The following CNIH3 variants were observed in gnomAD, a reference collection of about 807,000 sequenced individuals.
CNIH3 encodes cornichon family AMPA receptor auxiliary protein 3, also known as protein cornichon homolog 3.
A neutral mutation model predicts 24.1 loss-of-function variants in CNIH3; 14 were observed. The observed-to-expected ratio is 0.58, with a 90% confidence interval of 0.38 to 0.91. The LOEUF is 0.91. Among genes scored for constraint, CNIH3 ranks in the 40% least tolerant of loss-of-function variants. The pLI, the probability that CNIH3 is intolerant of heterozygous loss-of-function variation, is 0.00. For missense variants in CNIH3, 178 were observed against 196.8 expected (o/e 0.90, Z 0.57); for synonymous variants, 68 against 73.8 (o/e 0.92, Z 0.40).
At chr1:224,540,541 A>C (rs1259287932), downstream of CNIH3, among the ~76,000 whole-genome samples, 2 of 152,212 alleles carry the variant, frequency 1.3e-5, no homozygotes, top group Admixed American at 1.3e-4. Flanking sequence ...TCGTGGTTCT[A>C]AACCAAGTGA....
chr1:224,699,150 T>C (rs941589382), intron 3 of CNIH3, among the ~76,000 whole-genome samples: 5 of 152,204 alleles, frequency 3.3e-5, no homozygotes, highest in African/African-American at 1.2e-4. Context: ...TCCCTGGACA[T>C]TCCCGGGCAT....
intron 5 of CNIH3, among the ~76,000 whole-genome samples, chr1:224,587,876 G>A (rs1681577291): frequency 6.6e-6 from 1 of 151,970 alleles, no homozygotes; most frequent in African/African-American, 2.4e-5. Context: ...AGGAGGTCAA[G>A]GCCTTAGTGA....
intron 4 of CNIH3, 147 bp from the exon 5 acceptor site, chr1:224,734,416 C>T: frequency 1.4e-6 from 1 of 716,092 alleles, no homozygotes; most frequent in Admixed American, 2.4e-5. Context: ...AGCCACTCTT[C>T]AGCGGTGCTT....
chr1:224,486,544 T>C (rs1677038272), intron 1 of CNIH3, among the ~76,000 whole-genome samples: 1 of 152,218 alleles, frequency 6.6e-6, no homozygotes, highest in East Asian at 1.9e-4. Context: ...TTTTCCTGTA[T>C]ACACACATAC....
chr1:224,556,271 A>G (rs527886559), intron 3 of CNIH3, among the ~76,000 whole-genome samples: 23 of 152,088 alleles, frequency 1.5e-4, no homozygotes, highest in South Asian at 8.3e-4. Flanking sequence ...AGCATAGTTA[A>G]GAATCAGCTT....
At chr1:224,667,889 C>T (rs1424329604) in intron 1 of CNIH3, among the ~76,000 whole-genome samples, 1 of 152,162 alleles carries the variant, frequency 6.6e-6, no homozygotes, top group East Asian at 1.9e-4. Context: ...GTCTGTGTCT[C>T]TCACTGGTAG....
In CNIH3 at chr1:224,719,996, G is replaced by A. The variant is rs146001017; in HGVS notation, c.199-10466G>A. On this transcript the variant is annotated intron_variant, in intron 3 of 5. Transcript: ENST00000272133. ...GCCTGGGCCACAGGGAGGGAGGGCT[G>A]TGTCCATTCGTCTTGTTCTTGCAGT... 2.0e-4 allele frequency among the ~76,000 whole-genome samples: 31 copies of A among 152,328 alleles called. No homozygotes were observed. In the East Asian group the frequency reaches 5.2e-3, roughly 26 times the overall value.
chr1:224,480,009 CA>C (rs1676744166), intron 1 of CNIH3, among the ~76,000 whole-genome samples: 2 of 152,200 alleles, frequency 1.3e-5, no homozygotes. Context: ...ACTGCCCTAA[CA>C]GTGGTTCTCT....
intron 3 of CNIH3, among the ~76,000 whole-genome samples, chr1:224,556,212 G>A (rs954321275): frequency 4.0e-5 from 6 of 150,428 alleles, no homozygotes; most frequent in African/African-American, 7.4e-5. Flanking sequence ...TTCTTGCTTG[G>A]TGATGGTGTC....
intron 5 of CNIH3, among the ~76,000 whole-genome samples, chr1:224,737,003 C>A (rs1689624995): frequency 6.6e-6 from 1 of 152,204 alleles, no homozygotes; most frequent in Non-Finnish European, 1.5e-5. Context: ...TCCCCAGAGA[C>A]AGCACTGTCT....
At position 224,734,673 on chromosome 1, in the gene CNIH3, T is replaced by C; in HGVS notation, c.422T>C (p.Phe141Ser). Residue 141 changes from phenylalanine (F) to serine (S), a missense_variant, in exon 5 of 6, where the codon TTC becomes TCC. By Grantham distance (155) the Phe-to-Ser change is radical. Coordinates refer to ENST00000272133, the MANE Select transcript of CNIH3 (RefSeq NM_152495.2). Reference protein sequence around the residue: ...CQKEAWCKLAFYLLSFFYYLY... With the variant: ...CQKEAWCKLASYLLSFFYYLY... ...AAGGAGGCCTGGTGTAAGCTGGCCT[T>C]CTATCTCCTCTCCTTCTTCTACTAC... The C allele has an allele frequency of 6.2e-7, 1 of 1,614,140 alleles. No homozygotes were observed. The highest frequency in any genetic ancestry group is 1.6e-4 in the Middle Eastern group (1 of 6,062).
intron 1 of CNIH3, among the ~76,000 whole-genome samples, chr1:224,667,753 T>TAAA (rs5781378): frequency 7.3e-6 from 1 of 137,780 alleles, no homozygotes. Context: ...GTCAGTCCAA[T>TAAA]AAAAAAAAAA....
chr1:224,577,961 C>T (rs543216881), intron 4 of CNIH3, among the ~76,000 whole-genome samples: 2 of 152,146 alleles, frequency 1.3e-5, no homozygotes, highest in South Asian at 2.1e-4. Flanking sequence ...AGTGAAGTAA[C>T]TCAGGAATGG....
At chr1:224,722,393 G>A (rs1688767223) in intron 3 of CNIH3, among the ~76,000 whole-genome samples, 1 of 152,184 alleles carries the variant, frequency 6.6e-6, no homozygotes, top group South Asian at 2.1e-4. Context: ...TAGGCAATTT[G>A]GATGCAGGTG....
intron 1 of CNIH3, among the ~76,000 whole-genome samples, chr1:224,673,737 T>C (rs1284608648): frequency 6.6e-6 from 1 of 152,138 alleles, no homozygotes; most frequent in Non-Finnish European, 1.5e-5. Context: ...ACAGGGACCT[T>C]CTGTTCTTTC....
intron 1 of CNIH3, among the ~76,000 whole-genome samples, chr1:224,649,034 A>G (rs1313613172): frequency 6.6e-6 from 1 of 152,164 alleles, no homozygotes; most frequent in East Asian, 1.9e-4. Context: ...CTCCTTCCTT[A>G]TTTATGGGGC....
At chr1:224,734,007 TC>T (rs1013213632) in intron 4 of CNIH3, among the ~76,000 whole-genome samples, 45 of 152,334 alleles carry the variant, frequency 3.0e-4, no homozygotes, top group African/African-American at 1.0e-3. Flanking sequence ...CTACGTTCTT[TC>T]ACTCACCCAG....
At chr1:224,496,706 A>G (rs1285985794) in intron 1 of CNIH3, among the ~76,000 whole-genome samples, 2 of 152,226 alleles carry the variant, frequency 1.3e-5, no homozygotes, top group East Asian at 3.8e-4. Context: ...AAACAGACTC[A>G]GTGTGACGGG....
At chr1:224,447,327 G>A (rs938653567) in intron 1 of CNIH3, among the ~76,000 whole-genome samples, 1 of 152,182 alleles carries the variant, frequency 6.6e-6, no homozygotes, top group African/African-American at 2.4e-5. Flanking sequence ...CCAGAGAGCC[G>A]GGAGTTCTGA....
Sources: gnomAD v4.1 joint callset for allele counts (sites outside exome capture counted in the v4.1 genomes callset) on GRCh38, gnomAD v4.1.1 for gene constraint, MANE v1.5 for transcripts, NCBI Gene and HGNC (gene_info 2026-07-23, HGNC 2026-07-21) for gene names.